Variants in AVPR1A observed in about 807,000 individuals in gnomAD.
AVPR1A encodes vasopressin V1a receptor.
A neutral mutation model predicts 31.5 loss-of-function variants in AVPR1A; 31 were observed. The ratio of observed to expected loss-of-function variants is 0.99; its 90% confidence interval spans 0.74 to 1.33. The LOEUF (loss-of-function observed/expected upper bound fraction) is 1.33. Ranked by LOEUF, AVPR1A falls within the 40% of genes most tolerant of loss-of-function variation. AVPR1A has a pLI of 0.00. For synonymous variants in AVPR1A, 243 were observed against 233.2 expected, an observed-to-expected ratio of 1.04 and a Z score of -0.38; for missense variants, 570 against 575.2, an observed-to-expected ratio of 0.99 and a Z score of 0.09.
In AVPR1A at chr12:63,150,491, G is replaced by A; in HGVS notation, c.346C>T (p.Arg116Cys). The change falls in exon 1 of 2, where the codon CGC (arginine) becomes TGC (cysteine). Residue 116 changes from arginine to cysteine, a missense_variant. Physicochemically the swap from Arg to Cys is radical, Grantham distance 180 (BLOSUM62 -3). Transcript: ENST00000299178. This position sits in a 1 kb window ranked among gnomAD's most constrained non-coding sequence, Gnocchi z 4.9. ...LPQMCWDITYRFRGPDWLCRV... is the reference protein window; with the variant it reads ...LPQMCWDITYCFRGPDWLCRV... Reference sequence around the variant, plus strand: ...CACAGCCAGTCGGGGCCGCGGAAGCGGTAGGTGATGTCCCAGCACATTTGC... The same window carrying A: ...CACAGCCAGTCGGGGCCGCGGAAGCAGTAGGTGATGTCCCAGCACATTTGC... The A allele has an allele frequency of 1.9e-6, 3 of 1,613,356 alleles. No homozygotes were observed. The highest frequency in any genetic ancestry group is 2.5e-6 in the Non-Finnish European group (3 of 1,179,802).
rs1049716572 is a variant in AVPR1A at position 63,145,229 on chromosome 12, C to T, written c.*2130G>A. The T allele has an allele frequency of 8.9e-6, 3 of 336,106 alleles. No homozygotes were observed. The highest frequency in any genetic ancestry group is 1.2e-5 in the Non-Finnish European group (2 of 172,770). 20.8% of individuals were successfully genotyped at this position (336,106 alleles called of 1,614,324 possible). A position where few individuals can be genotyped will look rare whatever the true frequency, so the allele number is the denominator to read the frequency against. Reference sequence around the variant, plus strand: ...AAGAATTTGAAAACCTAGGGAGTCCCTAGGTTTATAATCTCTATAAAGCAT... The same window carrying T: ...AAGAATTTGAAAACCTAGGGAGTCCTTAGGTTTATAATCTCTATAAAGCAT... On this transcript the variant is annotated 3_prime_UTR_variant, in exon 2 of 2. Coordinates refer to ENST00000299178, the MANE Select transcript of AVPR1A (RefSeq NM_000706.5).
At chr12:63,148,647 G>A (rs1868395966) in intron 1 of AVPR1A, among the ~76,000 whole-genome samples, 1 of 152,092 alleles carries the variant, frequency 6.6e-6, no homozygotes. Context: ...ACAATATGAA[G>A]AGGCTTCTAA....
chr12:63,149,929 C>T lies in AVPR1A; in HGVS notation c.908G>A (p.Cys303Tyr). 6.2e-7 allele frequency: 1 copy of T among 1,614,048 alleles called. No homozygotes were observed. Residue 303 changes from cysteine (C) to tyrosine (Y), a missense_variant, in exon 1 of 2, where the codon TGC becomes TAC. Physicochemically the swap from Cys to Tyr is radical, Grantham distance 194 (BLOSUM62 -2). Coordinates refer to ENST00000299178, the MANE Select transcript of AVPR1A (RefSeq NM_000706.5). ...TFVIVTAYIV[C>Y]WAPFFIIQMW... ...CTGGATGATGAAGAAAGGCGCCCAG[C>T]AGACGATGTAAGCCGTCACGATCAC... is the stretch of plus-strand genomic sequence containing the variant.
Position 63,150,668 on chromosome 12 carries a change from C to G in AVPR1A, c.169G>C (p.Val57Leu), listed in dbSNP as rs144823008. The G allele has an allele frequency of 6.2e-7, 1 of 1,608,810 alleles. No homozygotes were observed. Among genetic ancestry groups the G allele is most frequent in the Non-Finnish European group, 8.5e-7 (1 of 1,179,862 alleles). Residue 57 changes from valine (V) to leucine (L), a missense_variant, in exon 1 of 2, where the codon GTG becomes CTG. Physicochemically the swap from Val to Leu is conservative, Grantham distance 32 (BLOSUM62 1). Transcript: ENST00000299178. The surrounding 1 kb of genome is among the most constrained non-coding windows in gnomAD (Gnocchi z 4.9). The part of the protein sequence containing the change: ...NEELAKLEIA[V>L]LAVTFAVAVL... ...GCCACCGCGAAAGTCACCGCCAGCA[C>G]GGCGATCTCCAGTTTGGCCAGCTCC...
Position 63,149,798 on chromosome 12 carries a change from T to TCA in AVPR1A, c.970+67_970+68dup, listed in dbSNP as rs34199280. ...CTCTCTCTCTCTCTCTCTCTCTCTCTCACACACACACACACACACACACAC... is the reference window on the plus strand; with the variant it reads ...CTCTCTCTCTCTCTCTCTCTCTCTCTCACACACACACACACACACACACACAC... On this transcript the variant is annotated intron_variant, in intron 1 of 1. Coordinates refer to ENST00000299178, the MANE Select transcript of AVPR1A (RefSeq NM_000706.5). The TCA allele has an allele frequency of 4.5e-3, 4,151 of 929,906 alleles. 13 individuals carry two copies. The highest frequency in any genetic ancestry group is 0.014 in the East Asian group (414 of 28,826). The allele number at this position is 929,906 out of a possible 1,614,324, so 57.6% of individuals were successfully genotyped here. A position where few individuals can be genotyped will look rare whatever the true frequency, so the allele number is the denominator to read the frequency against.
At position 63,151,186 on chromosome 12, in the gene AVPR1A, C is replaced by G. The variant is rs1868481013; in HGVS notation, c.-350G>C. On this transcript the variant is annotated 5_prime_UTR_variant, in exon 1 of 2. Transcript: ENST00000299178. Reference sequence around the variant, plus strand: ...GACGCGCTCCCTCCCGCCCTATTGCCGGAAGACTGCTGGTTGCCTACTCCC... The same window carrying G: ...GACGCGCTCCCTCCCGCCCTATTGCGGGAAGACTGCTGGTTGCCTACTCCC... The G allele has an allele frequency of 4.2e-6, 1 of 240,778 alleles. No individual in the cohort carries two copies. The highest frequency in any genetic ancestry group is 9.2e-5 in the East Asian group (1 of 10,916). The allele number at this position is 240,778 out of a possible 1,614,324, so 14.9% of individuals were successfully genotyped here. A position where few individuals can be genotyped will look rare whatever the true frequency, so the allele number is the denominator to read the frequency against.
chr12:63,150,623 C>A lies in AVPR1A; in HGVS notation c.214G>T (p.Val72Leu), dbSNP rs1868458620. 1.2e-6 allele frequency: 2 copies of A among 1,609,744 alleles called. No individual in the cohort carries two copies. Among genetic ancestry groups the A allele is most frequent in the Admixed American group, 3.3e-5 (2 of 59,982 alleles). The change falls in exon 1 of 2, where the codon GTA becomes TTA. Residue 72 changes from valine to leucine, a missense_variant. Coordinates refer to ENST00000299178, the MANE Select transcript of AVPR1A (RefSeq NM_000706.5). The surrounding 1 kb of genome is among the most constrained non-coding windows in gnomAD (Gnocchi z 4.9). ...FAVAVLGNSS[V>L]LLALHRTPRK... is the part of the protein sequence containing the mutation. ...GGCGTCCGGTGCAGAGCCAGCAGTA[C>A]GCTGCTGTTGCCCAGCACGGCCACC...
Position 63,150,786 on chromosome 12 carries a change from T to A in AVPR1A, c.51A>T (p.Pro17=). 6.3e-7 allele frequency: 1 copy of A among 1,596,060 alleles called. No individual in the cohort carries two copies. The highest frequency in any genetic ancestry group is 8.5e-7 in the Non-Finnish European group (1 of 1,178,128). ...CAGCGCCGGTGGCCAGAGGCCACCA[T>A]GGGCTGGAGTTGCCCGAGGGCCCCG... ...PDAGPSGNSS[P]WWPLATGAGN... Residue 17 remains proline, a synonymous_variant, in exon 1 of 2, where the codon CCA becomes CCT. Coordinates refer to ENST00000299178, the MANE Select transcript of AVPR1A (RefSeq NM_000706.5). This position sits in a 1 kb window ranked among gnomAD's most constrained non-coding sequence, Gnocchi z 4.9.
Position 63,150,651 on chromosome 12 carries a change from G to GA in AVPR1A, c.185dup (p.Ala63ArgfsTer279). 2 of 1,609,224 alleles carry GA rather than the reference G, an allele frequency of 1.2e-6. No homozygotes were observed. Among genetic ancestry groups the GA allele is most frequent in the Non-Finnish European group, 1.7e-6 (2 of 1,179,874 alleles). On this transcript the variant is annotated frameshift_variant, in exon 1 of 2. Transcript: ENST00000299178. LOFTEE classifies it high-confidence loss of function. The surrounding 1 kb of genome is among the most constrained non-coding windows in gnomAD (Gnocchi z 4.9). ...TGCTGTTGCCCAGCACGGCCACCGC[G>GA]AAAGTCACCGCCAGCACGGCGATCT... is the stretch of plus-strand genomic sequence containing the variant.
Position 63,142,792 on chromosome 12 carries a change from A to G in AVPR1A, c.*4567T>C, listed in dbSNP as rs1272147304. On this transcript the variant is annotated 3_prime_UTR_variant, in exon 2 of 2. Transcript: ENST00000299178. ...TTATTTTTGTTTATAGAAACAAGAC[A>G]ACACACAGTAAAATTGAGGAAATAC... 5 of 152,190 alleles carry G rather than the reference A, an allele frequency of 3.3e-5. No individual in the cohort carries two copies. Among genetic ancestry groups the G allele is most frequent in the Admixed American group, 3.3e-4 (5 of 15,282 alleles). The allele number at this position is 152,190 out of a possible 1,614,324, so 9.4% of individuals were successfully genotyped here.
rs148278650 is a variant in AVPR1A, at chr12:63,150,285, C to T, written c.552G>A (p.Pro184=). 5.0e-6 allele frequency: 8 copies of T among 1,613,940 alleles called. No homozygotes were observed. Among genetic ancestry groups the T allele is most frequent in the Admixed American group, 1.7e-5 (1 of 60,028 alleles). The change falls in exon 1 of 2, where the codon CCG becomes CCA. Residue 184 remains proline, a synonymous_variant. Coordinates refer to ENST00000299178, the MANE Select transcript of AVPR1A (RefSeq NM_000706.5). This position sits in a 1 kb window ranked among gnomAD's most constrained non-coding sequence, Gnocchi z 4.9. Reference sequence around the variant, plus strand: ...CGATCATGGAGAAGACGAAGTACTGCGGCGTGCTCAGCACGAAGCTCAGCA... The same window carrying T: ...CGATCATGGAGAAGACGAAGTACTGTGGCGTGCTCAGCACGAAGCTCAGCA... ...AWVLSFVLST[P]QYFVFSMIEV...
At position 63,150,496 on chromosome 12, in the gene AVPR1A, G is replaced by A. The variant is rs1191166754; in HGVS notation, c.341C>T (p.Thr114Ile). 2.5e-6 allele frequency: 4 copies of A among 1,613,330 alleles called. No homozygotes were observed. The African/African-American group carries it at 5.3e-5, about 22-fold the overall frequency. Reference sequence around the variant, plus strand: ...CCAGTCGGGGCCGCGGAAGCGGTAGGTGATGTCCCAGCACATTTGCGGCAG... The same window carrying A: ...CCAGTCGGGGCCGCGGAAGCGGTAGATGATGTCCCAGCACATTTGCGGCAG... The part of the protein sequence containing the change: ...QVLPQMCWDI[T>I]YRFRGPDWLC... Residue 114 changes from threonine (T) to isoleucine (I), a missense_variant, in exon 1 of 2, where the codon ACC (threonine) becomes ATC (isoleucine). Transcript: ENST00000299178. The surrounding 1 kb of genome is among the most constrained non-coding windows in gnomAD (Gnocchi z 4.9).
chr12:63,147,632 A>G lies in AVPR1A; in HGVS notation c.984T>C (p.Pro328=). ...CCAGTAATGCAGTGATGGTGATGGT[A>G]GGGTTTTCCGATTCTGCATGAAAAA... The part of the protein sequence containing the change: ...PMSVWTESEN[P]TITITALLGS... Residue 328 remains proline, a synonymous_variant, in exon 2 of 2, where the codon CCT becomes CCC. Transcript: ENST00000299178. 1 of 1,611,500 alleles carries G rather than the reference A, an allele frequency of 6.2e-7. No homozygotes were observed. Among genetic ancestry groups the G allele is most frequent in the Non-Finnish European group, 8.5e-7 (1 of 1,177,824 alleles).
intron 1 of AVPR1A, 77 bp downstream of exon 1, chr12:63,149,790 T>C (rs1395600360): frequency 2.7e-6 from 4 of 1,470,720 alleles, no homozygotes; most frequent in South Asian, 1.4e-5. Flanking sequence ...TCTCTCTCTC[T>C]CTCTCTCTCA....
chr12:63,143,406 A>G lies in AVPR1A; in HGVS notation c.*3953T>C, dbSNP rs1306305315. On this transcript the variant is annotated 3_prime_UTR_variant, in exon 2 of 2. Transcript: ENST00000299178. ...TACTACAGGTCACATGTACATTTTC[A>G]TTCATGATAACTTAGTATGCCTAAT... The G allele has an allele frequency of 6.6e-6, 1 of 152,220 alleles. No homozygotes were observed. The highest frequency in any genetic ancestry group is 1.5e-5 in the Non-Finnish European group (1 of 68,040). The allele number at this position is 152,220 out of a possible 1,614,324, so 9.4% of individuals were successfully genotyped here.
rs925398730 is a variant in AVPR1A at position 63,144,269 on chromosome 12, G to A, written c.*3090C>T. 6.6e-6 allele frequency: 1 copy of A among 152,142 alleles called. No homozygotes were observed. Among genetic ancestry groups the A allele is most frequent in the Non-Finnish European group, 1.5e-5 (1 of 68,020 alleles). 9.4% of individuals were successfully genotyped at this position (152,142 alleles called of 1,614,324 possible). A position where few individuals can be genotyped will look rare whatever the true frequency, so the allele number is the denominator to read the frequency against. The stretch of plus-strand genomic sequence containing the variant: ...AATGAAATTTCAAAATAAAAGCCAA[G>A]TAGTTTTACACTTTAGAATACATGC... On this transcript the variant is annotated 3_prime_UTR_variant, in exon 2 of 2. Coordinates refer to ENST00000299178, the MANE Select transcript of AVPR1A (RefSeq NM_000706.5).
At position 63,150,396 on chromosome 12, in the gene AVPR1A, G is replaced by T; in HGVS notation, c.441C>A (p.Ala147=). The change falls in exon 1 of 2, where the codon GCC becomes GCA. Residue 147 remains alanine, a synonymous_variant. Coordinates refer to ENST00000299178, the MANE Select transcript of AVPR1A (RefSeq NM_000706.5). This position sits in a 1 kb window ranked among gnomAD's most constrained non-coding sequence, Gnocchi z 4.9. ...ASAYMLVVMT[A]DRYIAVCHPL... ...GGTGGCACACCGCGATGTAGCGGTC[G>T]GCTGTCATGACTACCAGCATGTAGG... 6.2e-7 allele frequency: 1 copy of T among 1,613,826 alleles called. No homozygotes were observed. The highest frequency in any genetic ancestry group is 8.5e-7 in the Non-Finnish European group (1 of 1,179,972).
intron 1 of AVPR1A, among the ~76,000 whole-genome samples, chr12:63,148,763 C>T (rs1360147930): frequency 6.6e-6 from 1 of 152,154 alleles, no homozygotes; most frequent in Non-Finnish European, 1.5e-5. Flanking sequence ...TAAATTCATA[C>T]TGAAATGTTT....
chr12:63,150,448 A>G lies in AVPR1A; in HGVS notation c.389T>C (p.Leu130Pro). 2 of 1,613,594 alleles carry G rather than the reference A, an allele frequency of 1.2e-6. No individual in the cohort carries two copies. The highest frequency in any genetic ancestry group is 8.5e-7 in the Non-Finnish European group (1 of 1,179,904). Residue 130 changes from leucine to proline, a missense_variant, in exon 1 of 2, where the codon CTG (leucine) becomes CCG (proline). Coordinates refer to ENST00000299178, the MANE Select transcript of AVPR1A (RefSeq NM_000706.5). The surrounding 1 kb of genome is among the most constrained non-coding windows in gnomAD (Gnocchi z 4.9). ...PDWLCRVVKH[L>P]QVFGMFASAY... is the part of the protein sequence containing the mutation. ...CGACGCAAACATGCCGAACACCTGC[A>G]GGTGCTTCACCACGCGGCACAGCCA...
Sources: gnomAD v4.1 joint callset for allele counts (sites outside exome capture counted in the v4.1 genomes callset) on GRCh38, gnomAD v4.1.1 for gene constraint, Gnocchi (gnomAD v3.1) non-coding constraint, MANE v1.5 for transcripts, NCBI Gene and HGNC (gene_info 2026-07-23, HGNC 2026-07-21) for gene names.